ADORA2B: variants seen among roughly 807,000 people sequenced by gnomAD.
ADORA2B encodes the protein adenosine A2b receptor, also known as adenosine receptor A2b.
ADORA2B carries 18 observed loss-of-function variants against 20.8 expected under a neutral mutation model. That is an observed-to-expected ratio of 0.87 (90% confidence interval 0.60 to 1.29). The LOEUF (loss-of-function observed/expected upper bound fraction) is 1.29, where lower values mean the gene tolerates loss of function less well. ADORA2B is among the 50% of genes most tolerant of loss of function. The probability of loss-of-function intolerance (pLI) is 0.00; values close to 1 mark genes in which losing one functional copy is unlikely to be tolerated. For missense variants in ADORA2B, 441 were observed against 422.7 expected, an observed-to-expected ratio of 1.04 and a Z score of -0.38; for synonymous variants, 179 against 178.3, an observed-to-expected ratio of 1.00 and a Z score of -0.03.
the ADORA2B span, among the ~76,000 whole-genome samples, chr17:15,939,225 A>G: frequency 6.6e-6 from 1 of 151,990 alleles, no homozygotes; most frequent in Non-Finnish European, 1.5e-5. Flanking sequence ...TATTTTTAGT[A>G]GAGACAGGGT....
At chr17:15,912,356 G>A in the ADORA2B span, among the ~76,000 whole-genome samples, 1 of 151,502 alleles carries the variant, frequency 6.6e-6, no homozygotes, top group African/African-American at 2.4e-5. Flanking sequence ...CTCCCACTTG[G>A]GTGACAGAGG....
At chr17:15,950,581 C>T (rs1194818340) in intron 1 of ADORA2B, among the ~76,000 whole-genome samples, 5 of 152,164 alleles carry the variant, frequency 3.3e-5, no homozygotes, top group Non-Finnish European at 7.4e-5. Context: ...AACATGTTCT[C>T]TCAGCAGCTC....
intron 1 of ADORA2B, chr17:15,973,994 C>G (rs1970217210): frequency 6.6e-6 from 1 of 152,196 alleles, no homozygotes; most frequent in Non-Finnish European, 1.5e-5. Flanking sequence ...AAAGCAGGCT[C>G]AGAGACTCCA....
the ADORA2B span, among the ~76,000 whole-genome samples, chr17:15,903,244 G>A: frequency 6.6e-6 from 1 of 152,112 alleles, no homozygotes; most frequent in Admixed American, 6.6e-5. Flanking sequence ...CCTCAACCTT[G>A]GACCATGCTC....
Position 15,974,973 on chromosome 17 carries a change from C to T in ADORA2B, c.630C>T (p.Cys210=). 6.2e-7 allele frequency: 1 copy of T among 1,614,182 alleles called. No individual in the cohort carries two copies. Among genetic ancestry groups the T allele is most frequent in the Non-Finnish European group, 8.5e-7 (1 of 1,180,040 alleles). The change falls in exon 2 of 2, where the codon TGC becomes TGT. Residue 210 remains cysteine, a synonymous_variant. Transcript: ENST00000304222. ...ACATTAAGATCTTCCTGGTGGCCTG[C>T]AGGCAGCTTCAGCGCACTGAGCTGA... ...VIYIKIFLVA[C]RQLQRTELMD...
intron 1 of ADORA2B, among the ~76,000 whole-genome samples, chr17:15,963,066 C>T (rs1192574820): frequency 6.6e-6 from 1 of 151,884 alleles, no homozygotes; most frequent in Admixed American, 6.6e-5. Flanking sequence ...CTGGAGTATC[C>T]TTTTTTCTGG....
intron 1 of ADORA2B, among the ~76,000 whole-genome samples, chr17:15,948,152 G>A (rs919444019): frequency 6.6e-6 from 1 of 151,502 alleles, no homozygotes; most frequent in African/African-American, 2.4e-5. Context: ...AGTTCCTCCC[G>A]GTTCGAGGGC....
At chr17:15,943,271 T>C (rs1180756154), upstream of ADORA2B, among the ~76,000 whole-genome samples, 1 of 152,260 alleles carries the variant, frequency 6.6e-6, no homozygotes, top group Non-Finnish European at 1.5e-5. Context: ...TCCTCGTTGG[T>C]GCAAGGGCAG....
rs1970248942 is a variant in ADORA2B, at chr17:15,975,679, A to G, written c.*337A>G. 8.1e-6 allele frequency: 2 copies of G among 245,528 alleles called. No individual in the cohort carries two copies. The highest frequency in any genetic ancestry group is 1.6e-5 in the Non-Finnish European group (2 of 126,978). 15.2% of individuals were successfully genotyped at this position (245,528 alleles called of 1,614,324 possible). A position where few individuals can be genotyped will look rare whatever the true frequency, so the allele number is the denominator to read the frequency against. On this transcript the variant is annotated 3_prime_UTR_variant, in exon 2 of 2. Transcript: ENST00000304222. ...ATTTTACTGTGAAACAGTGTGAACT[A>G]TTATAATGCAAATACTTTTTAACTT...
the ADORA2B span, among the ~76,000 whole-genome samples, chr17:15,934,225 T>G: frequency 6.6e-6 from 1 of 152,118 alleles, no homozygotes; most frequent in African/African-American, 2.4e-5. Flanking sequence ...AGTATATATT[T>G]TATTTATTTT....
At chr17:15,856,319 C>T in the ADORA2B span, among the ~76,000 whole-genome samples, 1 of 151,910 alleles carries the variant, frequency 6.6e-6, no homozygotes, top group Non-Finnish European at 1.5e-5. Context: ...CCCTTTCTAC[C>T]ATGATTGTAA....
chr17:15,888,844 ATATATATTTTTTTTTTTTT>A, the ADORA2B span, among the ~76,000 whole-genome samples: 5 of 16,926 alleles, frequency 3.0e-4, no homozygotes, highest in African/African-American at 2.5e-3. Context: ...ATATATATAT[ATATATATTTTTTTTTTTTT>A]TTTTTTTTTT....
the ADORA2B span, among the ~76,000 whole-genome samples, chr17:15,855,446 G>A: frequency 0.099 from 14,988 of 152,106 alleles, 913 homozygotes; most frequent in South Asian, 0.23. Context: ...AGAATGACCA[G>A]TAAGTGAAAG....
At chr17:15,960,682 T>C (rs1406319410) in intron 1 of ADORA2B, among the ~76,000 whole-genome samples, 1 of 151,374 alleles carries the variant, frequency 6.6e-6, no homozygotes, top group East Asian at 1.9e-4. Flanking sequence ...CCATCCTGGC[T>C]AACACGGTGA....
At chr17:15,896,219 A>AG in the ADORA2B span, among the ~76,000 whole-genome samples, 1 of 152,232 alleles carries the variant, frequency 6.6e-6, no homozygotes, top group Non-Finnish European at 1.5e-5. Context: ...TTGAGAAATT[A>AG]TCTACTCGAG....
the ADORA2B span, among the ~76,000 whole-genome samples, chr17:15,907,055 C>T: frequency 1.0e-2 from 1,522 of 152,240 alleles, 36 homozygotes; most frequent in African/African-American, 0.034. Flanking sequence ...CATCTATCCC[C>T]CAAATAGCAT....
the ADORA2B span, among the ~76,000 whole-genome samples, chr17:15,915,132 G>T: frequency 6.6e-6 from 1 of 152,200 alleles, no homozygotes; most frequent in Non-Finnish European, 1.5e-5. Flanking sequence ...CTCTAGAAGA[G>T]AATCCGCCTT....
At chr17:15,913,708 T>C in the ADORA2B span, among the ~76,000 whole-genome samples, 3 of 152,348 alleles carry the variant, frequency 2.0e-5, no homozygotes, top group East Asian at 5.8e-4. Context: ...ATGAAAAATA[T>C]GCTATAAAAA....
chr17:15,927,901 C>A, the ADORA2B span, among the ~76,000 whole-genome samples: 1 of 152,096 alleles, frequency 6.6e-6, no homozygotes, highest in South Asian at 2.1e-4. Context: ...AATATAGAAG[C>A]CTAAAGCCCA....
Sources: allele counts gnomAD v4.1 joint callset (sites outside exome capture counted in the v4.1 genomes callset), GRCh38; gene constraint gnomAD v4.1.1; transcripts MANE v1.5; gene names NCBI Gene and HGNC (gene_info 2026-07-23, HGNC 2026-07-21).